Variants in NR2F1-AS1 observed in about 807,000 individuals in gnomAD.
NR2F1-AS1 encodes the protein NR2F1 antisense RNA 1.
chr5:93,413,054 T>C (rs969183354), intron 4 of NR2F1-AS1, among the ~76,000 whole-genome samples: 1 of 142,942 alleles, frequency 7.0e-6, no homozygotes, highest in African/African-American at 2.7e-5. Context: ...AGACAAATTA[T>C]AGCACTATGG....
At chr5:93,450,046 G>A (rs574373143) in intron 4 of NR2F1-AS1, among the ~76,000 whole-genome samples, 8 of 152,174 alleles carry the variant, frequency 5.3e-5, no homozygotes, top group African/African-American at 1.9e-4. Context: ...TCAAAGAATT[G>A]CTTTGTAGCA....
At chr5:93,557,884 T>C (rs1752396982) in intron 2 of NR2F1-AS1, among the ~76,000 whole-genome samples, 1 of 152,236 alleles carries the variant, frequency 6.6e-6, no homozygotes, top group African/African-American at 2.4e-5. Flanking sequence ...ACTAAGTTTA[T>C]ATAATGTTCT....
In NR2F1-AS1 at chr5:93,497,291, G is replaced by A. The variant is rs143367533; in HGVS notation, n.638+56470C>T. Among the ~76,000 whole-genome samples, 225 of 152,276 alleles carry A rather than the reference G, an allele frequency of 1.5e-3. 1 individual carries two copies. The highest frequency in any genetic ancestry group is 2.8e-3 in the Non-Finnish European group (191 of 68,008). On this transcript the variant is annotated intron_variant and non_coding_transcript_variant, in intron 4 of 5. Coordinates refer to ENST00000660523, the Ensembl canonical transcript of NR2F1-AS1. ...TGGAGAGCAATGGAGATATTACGCT[G>A]TGTTTGTTTAAGTTGCTGTGTGAAA...
intron 4 of NR2F1-AS1, among the ~76,000 whole-genome samples, chr5:93,440,567 C>A (rs1264838463): frequency 6.6e-6 from 1 of 152,190 alleles, no homozygotes; most frequent in Non-Finnish European, 1.5e-5. Context: ...CAGACTCCAG[C>A]TGGAACTATA....
chr5:93,412,722 A>G (rs2149839100), intron 4 of NR2F1-AS1, among the ~76,000 whole-genome samples: 1 of 152,192 alleles, frequency 6.6e-6, no homozygotes, highest in Non-Finnish European at 1.5e-5. Flanking sequence ...CCTAGATTCC[A>G]TTCCAGGCCC....
At chr5:93,570,610 G>C (rs923573533) in intron 1 of NR2F1-AS1, 4 of 152,238 alleles carry the variant, frequency 2.6e-5, no homozygotes, top group African/African-American at 9.6e-5. Flanking sequence ...GCCACCCCCG[G>C]TCGGGCCTGG....
chr5:93,442,585 GC>G (rs1359900456), intron 4 of NR2F1-AS1, among the ~76,000 whole-genome samples: 1 of 152,204 alleles, frequency 6.6e-6, no homozygotes, highest in Non-Finnish European at 1.5e-5. Flanking sequence ...AAGGAGGCCT[GC>G]CTGCCTATGT....
intron 4 of NR2F1-AS1, among the ~76,000 whole-genome samples, chr5:93,545,512 T>C (rs1284727125): frequency 6.6e-6 from 1 of 152,232 alleles, no homozygotes; most frequent in Non-Finnish European, 1.5e-5. Context: ...AAACATCCAC[T>C]ATCTCTAAGG....
intron 4 of NR2F1-AS1, among the ~76,000 whole-genome samples, chr5:93,455,871 A>G (rs1749936111): frequency 6.6e-6 from 1 of 151,640 alleles, no homozygotes; most frequent in Non-Finnish European, 1.5e-5. Flanking sequence ...ACACACCTGA[A>G]AAGATGCAGA....
chr5:93,528,799 C>A (rs1751673871), intron 4 of NR2F1-AS1, among the ~76,000 whole-genome samples: 1 of 150,182 alleles, frequency 6.7e-6, no homozygotes, highest in African/African-American at 2.5e-5. Context: ...AACACGGGAA[C>A]AGAAAACCAA....
At chr5:93,576,703 T>G (rs1422552800) in intron 1 of NR2F1-AS1, among the ~76,000 whole-genome samples, 1 of 152,214 alleles carries the variant, frequency 6.6e-6, no homozygotes, top group Non-Finnish European at 1.5e-5. Context: ...CAGTCTTTAG[T>G]CAGTGAAATA....
chr5:93,485,071 C>A (rs1370492843), intron 4 of NR2F1-AS1, among the ~76,000 whole-genome samples: 1 of 152,126 alleles, frequency 6.6e-6, no homozygotes, highest in African/African-American at 2.4e-5. Context: ...AGAAAATTAA[C>A]AAGGATATTC....
At chr5:93,509,047 G>A (rs895133166) in intron 4 of NR2F1-AS1, among the ~76,000 whole-genome samples, 1 of 152,064 alleles carries the variant, frequency 6.6e-6, no homozygotes, top group African/African-American at 2.4e-5. Flanking sequence ...GGATAAAAGT[G>A]TTCCTTACAG....
chr5:93,423,281 A>C (rs1749129978), intron 4 of NR2F1-AS1: 1 of 152,150 alleles, frequency 6.6e-6, no homozygotes, highest in African/African-American at 2.4e-5. Flanking sequence ...TTTCATTTTA[A>C]TAATAATAAA....
chr5:93,519,160 G>A (rs1580296931), intron 4 of NR2F1-AS1, among the ~76,000 whole-genome samples: 1 of 151,888 alleles, frequency 6.6e-6, no homozygotes, highest in East Asian at 1.9e-4. Flanking sequence ...TGAATTAGTT[G>A]GCTTGTATTT....
At chr5:93,504,054 GA>G (rs896420333) in intron 4 of NR2F1-AS1, among the ~76,000 whole-genome samples, 7 of 151,484 alleles carry the variant, frequency 4.6e-5, no homozygotes, top group Admixed American at 3.3e-4. Flanking sequence ...CAAAAAGGAG[GA>G]AAAAAAATCT....
At chr5:93,580,061 G>T (rs1049773861) in intron 1 of NR2F1-AS1, among the ~76,000 whole-genome samples, 2 of 152,186 alleles carry the variant, frequency 1.3e-5, no homozygotes, top group Non-Finnish European at 2.9e-5. Context: ...CTCTGCAGCC[G>T]GCTCCACCGC....
intron 4 of NR2F1-AS1, among the ~76,000 whole-genome samples, chr5:93,494,086 T>A (rs1750908519): frequency 6.6e-6 from 1 of 152,172 alleles, no homozygotes; most frequent in South Asian, 2.1e-4. Context: ...GAAATTAATA[T>A]CCCTTAAATT....
At chr5:93,561,754 C>T (rs1000216200) in intron 2 of NR2F1-AS1, among the ~76,000 whole-genome samples, 3 of 151,562 alleles carry the variant, frequency 2.0e-5, no homozygotes, top group African/African-American at 7.3e-5. Context: ...GCTCAGGCAA[C>T]AGAGACCCTG....
Sources: allele counts gnomAD v4.1 joint callset (sites outside exome capture counted in the v4.1 genomes callset), GRCh38; gene constraint gnomAD v4.1.1; transcripts MANE v1.5; gene names NCBI Gene and HGNC (gene_info 2026-07-23, HGNC 2026-07-21).